GALNT2: variants seen among roughly 807,000 people sequenced by gnomAD.
GALNT2 encodes polypeptide N-acetylgalactosaminyltransferase 2.
A neutral mutation model predicts 81.4 loss-of-function variants in GALNT2; 31 were observed. The observed-to-expected ratio is 0.38, with a 90% CI of 0.29 to 0.51. The LOEUF (loss-of-function observed/expected upper bound fraction) is 0.51, where lower values mean the gene tolerates loss of function less well. Ranked by LOEUF, GALNT2 falls within the 20% of genes least tolerant of loss-of-function variation. GALNT2 has a pLI of 0.87. For synonymous variants in GALNT2, 303 were observed against 287.4 expected, an observed-to-expected ratio of 1.05 and a Z score of -0.55; for missense variants, 629 against 765.7, an observed-to-expected ratio of 0.82 and a Z score of 2.11.
At chr1:230,230,470 A>G (rs1216161305) in intron 3 of GALNT2, among the ~76,000 whole-genome samples, 1 of 152,180 alleles carries the variant, frequency 6.6e-6, no homozygotes, top group Non-Finnish European at 1.5e-5. Context: ...AGTTAGACGT[A>G]GCTGCTGTGG....
At chr1:230,232,028 A>G (rs1664881014) in intron 3 of GALNT2, among the ~76,000 whole-genome samples, 1 of 152,236 alleles carries the variant, frequency 6.6e-6, no homozygotes, top group African/African-American at 2.4e-5. Flanking sequence ...CTGTTGAGTT[A>G]CTATATTGGG....
rs369289868 is a variant in GALNT2 at position 230,111,262 on chromosome 1, C to T, written c.126+43856C>T. Among the ~76,000 whole-genome samples the T allele has an allele frequency of 3.0e-3, 325 of 106,734 alleles. 1 individual carries two copies. The highest frequency in any genetic ancestry group is 9.1e-3 in the African/African-American group (297 of 32,614). The allele number at this position is 106,734 out of a possible 152,430, so 70.0% of individuals were successfully genotyped here. On this transcript the variant is annotated intron_variant, in intron 1 of 15. Coordinates refer to ENST00000366672, the MANE Select transcript of GALNT2 (RefSeq NM_004481.5). ...ACGTGTGCATACTAATTTGTGCACA[C>T]GTGCACACTGCAATGTGTACTTACA...
At chr1:230,176,039 G>C (rs1034527832) in intron 1 of GALNT2, among the ~76,000 whole-genome samples, 1 of 152,114 alleles carries the variant, frequency 6.6e-6, no homozygotes, top group South Asian at 2.1e-4. Flanking sequence ...GCGCATAGTA[G>C]GTATTCGTAA....
chr1:230,192,440 C>G (rs934165709), intron 2 of GALNT2, among the ~76,000 whole-genome samples: 1 of 152,178 alleles, frequency 6.6e-6, no homozygotes, highest in African/African-American at 2.4e-5. Context: ...TCTTTTTCAT[C>G]TGTTGGCTGG....
At chr1:230,251,343 GGAAA>G (rs1307614808) in intron 10 of GALNT2, among the ~76,000 whole-genome samples, 1 of 152,038 alleles carries the variant, frequency 6.6e-6, no homozygotes, top group Non-Finnish European at 1.5e-5. Flanking sequence ...GAAGGAAAGG[GGAAA>G]ATGAGGCCAC....
chr1:230,168,309 G>A (rs931594602), intron 1 of GALNT2, among the ~76,000 whole-genome samples: 1 of 152,188 alleles, frequency 6.6e-6, no homozygotes, highest in Non-Finnish European at 1.5e-5. Context: ...CTCTTACTTA[G>A]ACCTAGGAAT....
intron 13 of GALNT2, chr1:230,264,319 C>G (rs866275613): frequency 6.6e-6 from 1 of 152,248 alleles, no homozygotes; most frequent in African/African-American, 2.4e-5. Context: ...GGCTGCTCAT[C>G]AACTCTCCGT....
chr1:230,239,661 A>T (rs1294231097), intron 6 of GALNT2, among the ~76,000 whole-genome samples: 2 of 152,152 alleles, frequency 1.3e-5, no homozygotes, highest in Non-Finnish European at 2.9e-5. Context: ...CATGTGGCGT[A>T]ATCATTGGTG....
chr1:230,170,354 C>T (rs542131472), intron 1 of GALNT2, among the ~76,000 whole-genome samples: 24 of 152,158 alleles, frequency 1.6e-4, no homozygotes. Flanking sequence ...GGGTATATTA[C>T]GTTCCCTTTC....
chr1:230,064,800 C>T (rs1659131481), upstream of GALNT2, among the ~76,000 whole-genome samples: 1 of 152,242 alleles, frequency 6.6e-6, no homozygotes, highest in Non-Finnish European at 1.5e-5. Context: ...GCATGAGCCA[C>T]TATGCCCAGC....
chr1:230,279,244 A>T lies in GALNT2; in HGVS notation c.1561-59A>T. 1 of 1,543,598 alleles carries T rather than the reference A, an allele frequency of 6.5e-7. No homozygotes were observed. The highest frequency in any genetic ancestry group is 8.8e-7 in the Non-Finnish European group (1 of 1,133,910). On this transcript the variant is annotated intron_variant, in intron 15 of 15. Transcript: ENST00000366672. The surrounding 1 kb of genome is among the most constrained non-coding windows in gnomAD (Gnocchi z 4.6). The stretch of plus-strand genomic sequence containing the variant: ...GCCACAAGGTCCTGAATTCACACGA[A>T]TCTGTTTGTACTCCTTTGCTTGTGC...
chr1:230,108,776 T>C (rs1033660529), intron 1 of GALNT2, among the ~76,000 whole-genome samples: 2 of 152,244 alleles, frequency 1.3e-5, no homozygotes, highest in Non-Finnish European at 1.5e-5. Context: ...GTTGTTTAAC[T>C]TCGTGACCGT....
intron 1 of GALNT2, among the ~76,000 whole-genome samples, chr1:230,111,759 A>C (rs1660710939): frequency 6.6e-6 from 1 of 152,190 alleles, no homozygotes; most frequent in Non-Finnish European, 1.5e-5. Context: ...TTGCAAGATC[A>C]AAAATGGAAG....
intron 11 of GALNT2, among the ~76,000 whole-genome samples, chr1:230,260,285 T>G (rs1401692752): frequency 6.6e-6 from 1 of 152,192 alleles, no homozygotes; most frequent in African/African-American, 2.4e-5. Flanking sequence ...TGCCACTGTA[T>G]CTGCAGCACT....
intron 13 of GALNT2, chr1:230,264,917 A>T (rs1183013937): frequency 4.2e-6 from 1 of 239,322 alleles, no homozygotes; most frequent in African/African-American, 2.3e-5. Context: ...TGATTTTCTA[A>T]ATGACTTCCA....
chr1:230,235,938 T>A (rs1361509278), intron 3 of GALNT2, 76 bp from the exon 4 acceptor site: 1 of 1,373,924 alleles, frequency 7.3e-7, no homozygotes, highest in Non-Finnish European at 1.0e-6. Flanking sequence ...TCAGTCTGCC[T>A]GTTCTCTGAA....
intron 1 of GALNT2, among the ~76,000 whole-genome samples, chr1:230,143,407 G>A (rs918671674): frequency 2.0e-5 from 3 of 152,202 alleles, no homozygotes; most frequent in African/African-American, 7.2e-5. Flanking sequence ...AAGAGCAGAA[G>A]CAGCAACAAG....
intron 1 of GALNT2, among the ~76,000 whole-genome samples, chr1:230,095,775 G>A (rs1402649534): frequency 3.3e-5 from 5 of 152,228 alleles, no homozygotes; most frequent in African/African-American, 7.2e-5. Flanking sequence ...AGCCCCACCT[G>A]GGTCCCCTGG....
At chr1:230,101,153 GATGC>G (rs1192429765) in intron 1 of GALNT2, among the ~76,000 whole-genome samples, 2 of 152,164 alleles carry the variant, frequency 1.3e-5, no homozygotes, top group East Asian at 1.9e-4. Context: ...ATAGCATAAT[GATGC>G]ATTTCTTAGA....
Sources: allele counts gnomAD v4.1 joint callset (sites outside exome capture counted in the v4.1 genomes callset), GRCh38; gene constraint gnomAD v4.1.1; non-coding constraint Gnocchi (gnomAD v3.1); transcripts MANE v1.5; gene names NCBI Gene and HGNC (gene_info 2026-07-23, HGNC 2026-07-21).